The following TYW1 variants were observed in gnomAD, a reference collection of about 807,000 sequenced individuals.
TYW1 encodes tRNA-yW synthesizing protein 1 homolog, also known as S-adenosyl-L-methionine-dependent tRNA 4-demethylwyosine synthase TYW1.
In TYW1, 46 loss-of-function variants were observed where a neutral mutation model predicts 96.2. That is an observed-to-expected ratio of 0.48 (90% CI 0.38 to 0.61). The LOEUF is 0.61. TYW1 is among the 20% of genes least tolerant of loss of function. The pLI is 0.00. For synonymous variants in TYW1, 274 were observed against 323.0 expected, an observed-to-expected ratio of 0.85 and a Z score of 1.63; for missense variants, 684 against 909.6, an observed-to-expected ratio of 0.75 and a Z score of 3.19.
At chr7:67,188,742 AT>A (rs1800107428) in intron 14 of TYW1, among the ~76,000 whole-genome samples, 1 of 152,156 alleles carries the variant, frequency 6.6e-6, no homozygotes, top group Non-Finnish European at 1.5e-5. Context: ...TGGAATTCAA[AT>A]TTAGTATTAT....
intron 11 of TYW1, among the ~76,000 whole-genome samples, chr7:67,093,759 A>C (rs964670963): frequency 1.3e-5 from 2 of 152,162 alleles, no homozygotes; most frequent in African/African-American, 4.8e-5. Flanking sequence ...CATAGTCATA[A>C]AAGAAGACAT....
chr7:67,183,977 G>A (rs1217996997), intron 14 of TYW1, among the ~76,000 whole-genome samples: 6 of 151,968 alleles, frequency 3.9e-5, no homozygotes, highest in Admixed American at 6.6e-5. Flanking sequence ...AGAGGTGCAC[G>A]CCACTATGCC....
chr7:66,997,122 T>C, intron 1 of TYW1, 140 bp downstream of exon 1: 3 of 1,507,212 alleles, frequency 2.0e-6, no homozygotes, highest in Non-Finnish European at 2.7e-6. Context: ...TAGTCGCCGC[T>C]GAGAGCAAGG....
At chr7:67,152,569 G>T (rs1419131330) in intron 13 of TYW1, among the ~76,000 whole-genome samples, 2 of 151,908 alleles carry the variant, frequency 1.3e-5, no homozygotes, top group African/African-American at 2.4e-5. Context: ...TGAACTCAAC[G>T]TGCTGCTTAC....
chr7:67,042,154 G>A (rs1033022479), intron 7 of TYW1, among the ~76,000 whole-genome samples: 1 of 145,908 alleles, frequency 6.9e-6, no homozygotes, highest in Non-Finnish European at 1.5e-5. Context: ...TATATTATTA[G>A]TATAATATAT....
chr7:67,146,340 G>C (rs1166530162), intron 13 of TYW1, among the ~76,000 whole-genome samples: 4 of 152,002 alleles, frequency 2.6e-5, no homozygotes, highest in African/African-American at 9.7e-5. Context: ...AAAAAGATCT[G>C]AACTGTCCAA....
intron 13 of TYW1, among the ~76,000 whole-genome samples, chr7:67,172,706 A>G (rs1799553357): frequency 6.6e-6 from 1 of 152,190 alleles, no homozygotes; most frequent in African/African-American, 2.4e-5. Flanking sequence ...TATAGGCATG[A>G]GCCACTGTGC....
chr7:67,156,498 G>T (rs1440786276), intron 13 of TYW1, among the ~76,000 whole-genome samples: 1 of 152,250 alleles, frequency 6.6e-6, no homozygotes, highest in Non-Finnish European at 1.5e-5. Context: ...TAGGCAGGTA[G>T]CTCCCAGGCT....
At chr7:67,193,047 A>G (rs1800272142) in intron 14 of TYW1, among the ~76,000 whole-genome samples, 1 of 152,210 alleles carries the variant, frequency 6.6e-6, no homozygotes, top group Non-Finnish European at 1.5e-5. Flanking sequence ...CTTTCTATTC[A>G]GACTCCATTG....
In TYW1 at chr7:67,017,704, G is replaced by C. The variant is rs542319259; in HGVS notation, c.571-149G>C. ...TCTGGGTCAAGGCTGGAGCTTGAAGGCTTGAAGGTCATTTTGCCAGCAATT... is the reference window on the plus strand; with the variant it reads ...TCTGGGTCAAGGCTGGAGCTTGAAGCCTTGAAGGTCATTTTGCCAGCAATT... On this transcript the variant is annotated intron_variant, in intron 5 of 15. Coordinates refer to ENST00000359626, the MANE Select transcript of TYW1 (RefSeq NM_018264.4). 76 of 994,246 alleles carry C rather than the reference G, an allele frequency of 7.6e-5. No homozygotes were observed. The African/African-American group carries it at 9.1e-4, about 12-fold the overall frequency. The allele number at this position is 994,246 out of a possible 1,614,324, so 61.6% of individuals were successfully genotyped here.
At chr7:67,174,177 A>AT (rs1799594156) in intron 13 of TYW1, among the ~76,000 whole-genome samples, 1 of 151,874 alleles carries the variant, frequency 6.6e-6, no homozygotes, top group Non-Finnish European at 1.5e-5. Flanking sequence ...ATTTACCATT[A>AT]TGCTGCTTAT....
chr7:67,222,540 CT>C (rs79693573), intron 15 of TYW1, among the ~76,000 whole-genome samples: 6,121 of 152,208 alleles, frequency 0.04, 183 homozygotes, highest in Middle Eastern at 0.092. Flanking sequence ...GATTAGAAAT[CT>C]TCTATGACCT....
chr7:67,078,635 A>G (rs940973849), intron 10 of TYW1, among the ~76,000 whole-genome samples: 1 of 151,970 alleles, frequency 6.6e-6, no homozygotes, highest in Non-Finnish European at 1.5e-5. Flanking sequence ...GTATCTTTCC[A>G]TTTTTTTGTG....
intron 15 of TYW1, among the ~76,000 whole-genome samples, chr7:67,200,581 C>T (rs781448836): frequency 2.6e-5 from 4 of 152,098 alleles, no homozygotes; most frequent in Non-Finnish European, 4.4e-5. Flanking sequence ...TCCCACAATA[C>T]GTGGGAATTA....
At chr7:67,015,962 CAA>C (rs56663072) in intron 5 of TYW1, among the ~76,000 whole-genome samples, 9 of 119,326 alleles carry the variant, frequency 7.5e-5, no homozygotes, top group African/African-American at 6.2e-5. Context: ...GACTATGTCT[CAA>C]AAAAAAAAAA....
rs555857167 is a variant in TYW1, at chr7:67,057,046, C to T, written c.1155+1159C>T. On this transcript the variant is annotated intron_variant, in intron 9 of 15. Transcript: ENST00000359626. ...TTTTTTTTTTTTTGAGATGGAGTCTCGCTCTGTTGCCATCCTGGAGTACAG... is the reference window on the plus strand; with the variant it reads ...TTTTTTTTTTTTTGAGATGGAGTCTTGCTCTGTTGCCATCCTGGAGTACAG... Among the ~76,000 whole-genome samples the T allele has an allele frequency of 1.6e-4, 23 of 146,540 alleles. 1 individual carries two copies. In the South Asian group the frequency reaches 1.7e-3, roughly 11 times the overall value.
At chr7:67,167,943 C>T (rs111313225) in intron 13 of TYW1, among the ~76,000 whole-genome samples, 37,165 of 151,248 alleles carry the variant, frequency 0.25, 4,708 homozygotes, top group South Asian at 0.3. Context: ...TTAGTAGAGA[C>T]GGGCTTTCAC....
chr7:67,116,507 G>A (rs1175758656), intron 12 of TYW1, among the ~76,000 whole-genome samples: 3 of 151,952 alleles, frequency 2.0e-5, no homozygotes, highest in African/African-American at 4.8e-5. Flanking sequence ...GTAATGTAGT[G>A]GGACCCCTGT....
chr7:67,072,999 G>T (rs1236645087), intron 10 of TYW1, among the ~76,000 whole-genome samples: 1 of 131,062 alleles, frequency 7.6e-6, no homozygotes, highest in Non-Finnish European at 1.5e-5. Context: ...TCTCAAGCTG[G>T]TCTCAAACTC....
Sources: gnomAD v4.1 joint callset for allele counts (sites outside exome capture counted in the v4.1 genomes callset) on GRCh38, gnomAD v4.1.1 for gene constraint, MANE v1.5 for transcripts, NCBI Gene and HGNC (gene_info 2026-07-23, HGNC 2026-07-21) for gene names.